Variants in TSGA10 observed in about 807,000 individuals in gnomAD.
The protein encoded by TSGA10 is testis specific 10.
Under a neutral mutation model 96.6 loss-of-function variants are expected in TSGA10, and 43 were observed. The observed-to-expected ratio is 0.44, with a 90% CI of 0.35 to 0.57. The LOEUF is 0.57. TSGA10 is among the 20% of genes least tolerant of loss of function. TSGA10 has a pLI of 0.01. For synonymous variants in TSGA10, 229 were observed against 269.9 expected, an observed-to-expected ratio of 0.85 and a Z score of 1.48; for missense variants, 703 against 834.4, an observed-to-expected ratio of 0.84 and a Z score of 1.94.
intron 1 of TSGA10, chr2:99,150,833 G>GA (rs1397068116): frequency 1.9e-6 from 3 of 1,576,014 alleles, no homozygotes; most frequent in Non-Finnish European, 2.6e-6. Flanking sequence ...GATGTGGAAT[G>GA]AAGCAATTTG....
rs550893694 is a variant in TSGA10, at chr2:99,001,131, A to T, written c.2073-2910T>A. On this transcript the variant is annotated intron_variant, in intron 20 of 20. Transcript: ENST00000393483. ...CTTTGAAGAGAGCAGTGGTTCTCCC[A>T]GCATGGAGTTTGAGATCTGAGAACG... Among the ~76,000 whole-genome samples the T allele has an allele frequency of 2.6e-5, 4 of 152,326 alleles. No homozygotes were observed. In the South Asian group the frequency reaches 8.3e-4, roughly 32 times the overall value.
intron 10 of TSGA10, among the ~76,000 whole-genome samples, chr2:99,087,798 T>G (rs2088739395): frequency 6.6e-6 from 1 of 152,128 alleles, no homozygotes; most frequent in African/African-American, 2.4e-5. Context: ...AAACGGCTTC[T>G]ACAATAATGC....
intron 17 of TSGA10, among the ~76,000 whole-genome samples, chr2:99,031,331 C>T (rs2081116073): frequency 1.4e-5 from 2 of 138,692 alleles, no homozygotes; most frequent in Admixed American, 7.2e-5. Context: ...ATGTCAACCT[C>T]ACACTTTACG....
At chr2:99,066,245 A>G in intron 15 of TSGA10, among the ~76,000 whole-genome samples, 1 of 152,226 alleles carries the variant, frequency 6.6e-6, no homozygotes, top group Non-Finnish European at 1.5e-5. Context: ...GTGTTAGTCA[A>G]CAATATACTA....
In TSGA10 at chr2:99,071,847, A is replaced by C. The variant is rs2086009137; in HGVS notation, c.966T>G (p.Cys322Trp). The C allele has an allele frequency of 5.6e-6, 9 of 1,613,840 alleles. No homozygotes were observed. The highest frequency in any genetic ancestry group is 1.3e-5 in the African/African-American group (1 of 74,932). ...SRQCTEALIV[C>W]EQDVSRMRRQ... ...GACGCATTCTGGAAACGTCTTGTTC[A>C]CACACAATTAGGGCCTCAGTACACT... is the stretch of plus-strand genomic sequence containing the variant. Residue 322 changes from cysteine (C) to tryptophan (W), a missense_variant, in exon 14 of 21, where the codon TGT becomes TGG. Coordinates refer to ENST00000393483, the MANE Select transcript of TSGA10 (RefSeq NM_025244.4).
intron 12 of TSGA10, among the ~76,000 whole-genome samples, chr2:99,076,754 A>G (rs1463383410): frequency 6.6e-6 from 1 of 152,176 alleles, no homozygotes; most frequent in African/African-American, 2.4e-5. Context: ...CATGAAAGCC[A>G]CTGGACTCTC....
intron 18 of TSGA10, among the ~76,000 whole-genome samples, chr2:99,019,790 T>G (rs931071737): frequency 6.6e-6 from 1 of 151,998 alleles, no homozygotes; most frequent in African/African-American, 2.4e-5. Flanking sequence ...GTGCTAGGAG[T>G]GCTAGAGATC....
chr2:99,131,182 G>T (rs1315991671), intron 1 of TSGA10, among the ~76,000 whole-genome samples: 1 of 152,052 alleles, frequency 6.6e-6, no homozygotes, highest in African/African-American at 2.4e-5. Context: ...AAAGTAGATG[G>T]GGACAGCATT....
chr2:99,040,138 T>C (rs2082049712), intron 16 of TSGA10, among the ~76,000 whole-genome samples: 1 of 152,066 alleles, frequency 6.6e-6, no homozygotes, highest in Non-Finnish European at 1.5e-5. Flanking sequence ...ATAAAAGCCA[T>C]CTATGACAAA....
intron 10 of TSGA10, among the ~76,000 whole-genome samples, chr2:99,087,196 T>C (rs1294977277): frequency 1.4e-5 from 2 of 146,050 alleles, no homozygotes; most frequent in Non-Finnish European, 3.0e-5. Context: ...AGTGCAACAC[T>C]CCGTCTCAAA....
In TSGA10 at chr2:99,127,166, T is replaced by C; in HGVS notation, c.-610A>G. On this transcript the variant is annotated 5_prime_UTR_variant, in exon 2 of 21. Transcript: ENST00000393483. ...AGCCCCTAGACCAAAATCATATTCT[T>C]TGGTGGTAACCTAGTACAAAGAATG... 4 of 1,287,074 alleles carry C rather than the reference T, an allele frequency of 3.1e-6. No homozygotes were observed. The highest frequency in any genetic ancestry group is 4.0e-6 in the Non-Finnish European group (4 of 988,100). The allele number at this position is 1,287,074 out of a possible 1,614,324, so 79.7% of individuals were successfully genotyped here.
intron 1 of TSGA10, among the ~76,000 whole-genome samples, chr2:99,130,496 T>C (rs1462096389): frequency 6.6e-6 from 1 of 152,218 alleles, no homozygotes; most frequent in South Asian, 2.1e-4. Context: ...TGTAAATTTG[T>C]TTAAGTTCCT....
chr2:99,122,405 CT>C (rs1343732614), intron 2 of TSGA10, among the ~76,000 whole-genome samples: 3 of 151,870 alleles, frequency 2.0e-5, no homozygotes, highest in South Asian at 2.1e-4. Context: ...TTACTCTCCC[CT>C]ATTAATAAAA....
intron 10 of TSGA10, among the ~76,000 whole-genome samples, chr2:99,094,496 A>T (rs2089779715): frequency 6.6e-6 from 1 of 152,186 alleles, no homozygotes; most frequent in Non-Finnish European, 1.5e-5. Context: ...TTCACAATCC[A>T]TATATCTGAC....
chr2:99,110,649 G>A (rs1274717865), intron 5 of TSGA10, among the ~76,000 whole-genome samples: 1 of 152,112 alleles, frequency 6.6e-6, no homozygotes, highest in Non-Finnish European at 1.5e-5. Flanking sequence ...AGGAAACAAA[G>A]GAATAGTGAT....
At chr2:99,077,657 G>A (rs1018337023) in intron 12 of TSGA10, among the ~76,000 whole-genome samples, 1 of 152,062 alleles carries the variant, frequency 6.6e-6, no homozygotes, top group African/African-American at 2.4e-5. Context: ...CGCCTCCGGG[G>A]TTCAAGCGAG....
intron 17 of TSGA10, among the ~76,000 whole-genome samples, chr2:99,030,789 G>A (rs1325429987): frequency 2.0e-5 from 3 of 152,080 alleles, no homozygotes; most frequent in Non-Finnish European, 4.4e-5. Flanking sequence ...TTTTGTAGGT[G>A]GAAATCCAAA....
intron 16 of TSGA10, among the ~76,000 whole-genome samples, chr2:99,059,913 C>CGAA (rs1392767336): frequency 1.8e-5 from 1 of 54,458 alleles, no homozygotes; most frequent in Admixed American, 2.0e-4. Context: ...GACCCCATCT[C>CGAA]AAAAAAAAAA....
intron 10 of TSGA10, chr2:99,102,564 G>C (rs544929266): frequency 1.2e-4 from 196 of 1,614,118 alleles, no homozygotes; most frequent in South Asian, 1.0e-3. Flanking sequence ...GCACAGAAAG[G>C]CTGTGTCAGA....
Sources: gnomAD v4.1 joint callset for allele counts (sites outside exome capture counted in the v4.1 genomes callset) on GRCh38, gnomAD v4.1.1 for gene constraint, MANE v1.5 for transcripts, NCBI Gene and HGNC (gene_info 2026-07-23, HGNC 2026-07-21) for gene names.